The following NOP9 variants were observed in gnomAD, a reference collection of about 807,000 sequenced individuals.
NOP9 encodes the protein nucleolar protein 9.
NOP9 carries 50 observed loss-of-function variants against 63.0 expected under a neutral mutation model. The ratio of observed to expected loss-of-function variants is 0.79; its 90% confidence interval spans 0.63 to 1.00. The LOEUF (loss-of-function observed/expected upper bound fraction) is 1.00. NOP9 is among the 50% of genes least tolerant of loss of function. The probability of loss-of-function intolerance (pLI) is 0.00; values close to 1 mark genes in which losing one functional copy is unlikely to be tolerated. For synonymous variants in NOP9, 343 were observed against 332.8 expected, an observed-to-expected ratio of 1.03 and a Z score of -0.33; for missense variants, 758 against 803.0, an observed-to-expected ratio of 0.94 and a Z score of 0.68.
Position 24,307,418 on chromosome 14 carries a change from T to C in NOP9, c.*2323T>C. 6.2e-7 allele frequency: 1 copy of C among 1,613,976 alleles called. No homozygotes were observed. Among genetic ancestry groups the C allele is most frequent in the Non-Finnish European group, 8.5e-7 (1 of 1,179,934 alleles). ...GTGGCAGCTGTCAGGCCTTTCCGGA[T>C]GGTCCGCTTGTGATCACAGACACGG... On this transcript the variant is annotated 3_prime_UTR_variant, in exon 10 of 10. Transcript: ENST00000267425.
upstream of NOP9, chr14:24,298,561 G>A (rs3825586): frequency 0.39 from 60,577 of 155,162 alleles, 13,164 homozygotes; most frequent in Middle Eastern, 0.58. Flanking sequence ...CAAAATCTCT[G>A]CTCTCAAACA....
At chr14:24,273,592 A>C in the NOP9 span, among the ~76,000 whole-genome samples, 1 of 152,354 alleles carries the variant, frequency 6.6e-6, no homozygotes, top group South Asian at 2.1e-4. Flanking sequence ...TCTCGAAAAG[A>C]GACATTTTTC....
chr14:24,299,235 C>A, upstream of NOP9: 2 of 1,113,506 alleles, frequency 1.8e-6, no homozygotes, highest in Non-Finnish European at 2.5e-6. Flanking sequence ...GAGGAGGAGC[C>A]AAGGTAAGAA....
At chr14:24,296,744 C>T (rs1325813130), upstream of NOP9, 6 of 1,614,100 alleles carry the variant, frequency 3.7e-6, no homozygotes, top group Admixed American at 1.7e-5. Flanking sequence ...GTACCTGGAC[C>T]CCTGCATAAG....
chr14:24,292,212 T>A, the NOP9 span: 13 of 1,613,928 alleles, frequency 8.1e-6, no homozygotes, highest in African/African-American at 1.7e-4. Flanking sequence ...CTGCAGGACC[T>A]CCTCCTTTGC....
At position 24,306,807 on chromosome 14, in the gene NOP9, T is replaced by A; in HGVS notation, c.*1712T>A. On this transcript the variant is annotated 3_prime_UTR_variant, in exon 10 of 10. Coordinates refer to ENST00000267425, the MANE Select transcript of NOP9 (RefSeq NM_174913.3). ...TTTGGAATTGGAAAGCAAGCCAGGT[T>A]CTCACGAAGTCCACCCTTCTGTCTT... The A allele has an allele frequency of 2.1e-6, 1 of 469,804 alleles. No homozygotes were observed. The highest frequency in any genetic ancestry group is 2.3e-5 in the South Asian group (1 of 42,724). 29.1% of individuals were successfully genotyped at this position (469,804 alleles called of 1,614,324 possible). A position where few individuals can be genotyped will look rare whatever the true frequency, so the allele number is the denominator to read the frequency against.
chr14:24,288,840 GT>G, the NOP9 span, among the ~76,000 whole-genome samples: 10 of 152,066 alleles, frequency 6.6e-5, no homozygotes, highest in African/African-American at 1.4e-4. Context: ...GGTGGTTTTT[GT>G]TTGTTTGTTT....
intron 2 of NOP9, 50 bp from the exon 3 acceptor site, chr14:24,301,562 G>T (rs1566410733): frequency 6.2e-7 from 1 of 1,605,030 alleles, no homozygotes; most frequent in Middle Eastern, 1.7e-4. Flanking sequence ...TTCTCTCCTG[G>T]ATGGCAGTTT....
the NOP9 span, among the ~76,000 whole-genome samples, chr14:24,282,132 A>G: frequency 6.6e-6 from 1 of 152,188 alleles, no homozygotes; most frequent in African/African-American, 2.4e-5. Flanking sequence ...GGTTGTAGTG[A>G]GCCGAGATAG....
At chr14:24,304,901 G>A (rs757176336) in intron 9 of NOP9, 37 bp from the exon 10 acceptor site, 5 of 1,497,984 alleles carry the variant, frequency 3.3e-6, no homozygotes, top group Non-Finnish European at 4.4e-6. Flanking sequence ...CTGTCTTTGA[G>A]CATGGTAGTA....
chr14:24,305,470 A>C lies in NOP9; in HGVS notation c.*375A>C. ...GGTAAGGGTATAGACTTGGGATGTG[A>C]GGCGTTATGCTGAAAGGTTCTGTCA... On this transcript the variant is annotated 3_prime_UTR_variant, in exon 10 of 10. Transcript: ENST00000267425. The C allele has an allele frequency of 1.3e-6, 1 of 799,372 alleles. No homozygotes were observed. The highest frequency in any genetic ancestry group is 1.9e-5 in the South Asian group (1 of 54,012). 49.5% of individuals were successfully genotyped at this position (799,372 alleles called of 1,614,324 possible).
At chr14:24,283,603 CAATA>C in the NOP9 span, among the ~76,000 whole-genome samples, 4 of 152,068 alleles carry the variant, frequency 2.6e-5, no homozygotes, top group African/African-American at 9.7e-5. Context: ...GACCCTGCCT[CAATA>C]AATAAATAAA....
the NOP9 span, among the ~76,000 whole-genome samples, chr14:24,274,713 A>G: frequency 3.0e-3 from 448 of 149,262 alleles, 3 homozygotes; most frequent in African/African-American, 0.011. Context: ...GGTTCATGCC[A>G]TTCTCCTGCC....
chr14:24,292,023 G>T, the NOP9 span: 2 of 915,182 alleles, frequency 2.2e-6, no homozygotes, highest in Non-Finnish European at 3.3e-6. Context: ...GAATGGAGCT[G>T]GTATCTCCCT....
chr14:24,300,580 A>T lies in NOP9; in HGVS notation c.420A>T (p.Arg140=). ...ACTTGCGCACTGTGGCCTGTCACCG[A>T]TGCGGGGTCCATGTATTACAAAGTG... is the stretch of plus-strand genomic sequence containing the variant. ...RSNLRTVACH[R]CGVHVLQSAL... The change falls in exon 2 of 10, where the codon CGA becomes CGT. Residue 140 remains arginine (R), a synonymous_variant. Transcript: ENST00000267425. 6.2e-7 allele frequency: 1 copy of T among 1,614,156 alleles called. No homozygotes were observed. Among genetic ancestry groups the T allele is most frequent in the Non-Finnish European group, 8.5e-7 (1 of 1,180,034 alleles).
In NOP9 at chr14:24,304,599, G is replaced by T; in HGVS notation, c.1753+1G>T. The T allele has an allele frequency of 1.2e-6, 2 of 1,601,860 alleles. No homozygotes were observed. The highest frequency in any genetic ancestry group is 1.1e-5 in the South Asian group (1 of 89,782). On this transcript the variant is annotated splice_donor_variant, in intron 9 of 9. Transcript: ENST00000267425. LOFTEE classifies it high-confidence loss of function. ...CGGAAGGAAATTGCTGCTGAGCTTG[G>T]TGAGTACCAGCCCCTCTCTTTGATG...
In NOP9 at chr14:24,306,396, C is replaced by A; in HGVS notation, c.*1301C>A. 6.2e-7 allele frequency: 1 copy of A among 1,614,242 alleles called. No homozygotes were observed. The highest frequency in any genetic ancestry group is 8.5e-7 in the Non-Finnish European group (1 of 1,180,040). On this transcript the variant is annotated 3_prime_UTR_variant, in exon 10 of 10. Transcript: ENST00000267425. ...TACCCTTGTAGGGCTCCAGCTCTGA[C>A]CAGACTGCAACACCATCAGGCACGT...
the NOP9 span, chr14:24,292,796 G>A: frequency 6.2e-7 from 1 of 1,607,938 alleles, no homozygotes; most frequent in Non-Finnish European, 8.5e-7. Flanking sequence ...TAGAAGGTGG[G>A]GCAAGGGAAG....
the NOP9 span, among the ~76,000 whole-genome samples, chr14:24,281,027 A>G: frequency 6.6e-5 from 10 of 152,288 alleles, no homozygotes; most frequent in Admixed American, 2.6e-4. Flanking sequence ...GACAGGAGCA[A>G]TGCTGTGTTC....
Sources: gnomAD v4.1 joint callset for allele counts (sites outside exome capture counted in the v4.1 genomes callset) on GRCh38, gnomAD v4.1.1 for gene constraint, MANE v1.5 for transcripts, NCBI Gene and HGNC (gene_info 2026-07-23, HGNC 2026-07-21) for gene names.